CAMK1D: variants seen among roughly 807,000 people sequenced by gnomAD.
CAMK1D encodes calcium/calmodulin dependent protein kinase ID, also known as calcium/calmodulin-dependent protein kinase type 1D.
Under a neutral mutation model 47.7 loss-of-function variants are expected in CAMK1D, and 9 were observed. The observed-to-expected ratio is 0.19, with a 90% CI of 0.11 to 0.33. The LOEUF (loss-of-function observed/expected upper bound fraction) is 0.33, where lower values mean the gene tolerates loss of function less well. CAMK1D is among the 10% of genes least tolerant of loss of function. The pLI is 1.00. For synonymous variants in CAMK1D, 184 were observed against 184.9 expected, an observed-to-expected ratio of 0.99 and a Z score of 0.04; for missense variants, 291 against 488.7, an observed-to-expected ratio of 0.60 and a Z score of 3.81.
At chr10:12,801,475 T>TATCCATTCATCCATCC (rs1182945435) in intron 6 of CAMK1D, among the ~76,000 whole-genome samples, 1 of 150,996 alleles carries the variant, frequency 6.6e-6, no homozygotes, top group Non-Finnish European at 1.5e-5. Flanking sequence ...GTCATCTATC[T>TATCCATTCATCCATCC]ATCCATTCAT....
chr10:12,461,350 G>A (rs1376570036), intron 1 of CAMK1D, among the ~76,000 whole-genome samples: 4 of 152,154 alleles, frequency 2.6e-5, no homozygotes, highest in Non-Finnish European at 4.4e-5. Flanking sequence ...GGTAGGAGTC[G>A]TCTGATTCTT....
intron 2 of CAMK1D, among the ~76,000 whole-genome samples, chr10:12,581,306 G>C (rs1361044432): frequency 1.3e-5 from 2 of 152,256 alleles, no homozygotes; most frequent in East Asian, 3.9e-4. Flanking sequence ...CATTTGAGCT[G>C]GTTCCATATT....
chr10:12,656,852 AT>A lies in CAMK1D; in HGVS notation c.225-9876del, dbSNP rs760499550. On this transcript the variant is annotated intron_variant, in intron 2 of 10. Coordinates refer to ENST00000619168, the MANE Select transcript of CAMK1D (RefSeq NM_153498.4). ...ATGTTACATGTGTGTGTGTATATAC[AT>A]TTTTTTTACATAAACACATATATAT... 5.3e-4 allele frequency among the ~76,000 whole-genome samples: 80 copies of A among 151,774 alleles called. 1 individual carries two copies. In the East Asian group the frequency reaches 0.013, roughly 24 times the overall value.
chr10:12,524,057 A>G (rs1835535494), intron 1 of CAMK1D, among the ~76,000 whole-genome samples: 1 of 151,930 alleles, frequency 6.6e-6, no homozygotes, highest in South Asian at 2.1e-4. Flanking sequence ...ACGCCTGGCT[A>G]ATTTTTTGTA....
At position 12,602,514 on chromosome 10, in the gene CAMK1D, G is replaced by A. The variant is rs75085396; in HGVS notation, c.224+49158G>A. ...ACAGGAGCTATATTTGTAGGAGCAG[G>A]TGCCATTTGGGACAGAGCACAGGGT... is the stretch of plus-strand genomic sequence containing the variant. On this transcript the variant is annotated intron_variant, in intron 2 of 10. Coordinates refer to ENST00000619168, the MANE Select transcript of CAMK1D (RefSeq NM_153498.4). 9.5e-3 allele frequency among the ~76,000 whole-genome samples: 1,447 copies of A among 152,308 alleles called. 7 individuals are homozygous for A. The highest frequency in any genetic ancestry group is 0.027 in the Middle Eastern group (8 of 294).
intron 2 of CAMK1D, among the ~76,000 whole-genome samples, chr10:12,617,482 T>G (rs2132429445): frequency 6.6e-6 from 1 of 152,258 alleles, no homozygotes; most frequent in Admixed American, 6.5e-5. Context: ...GCCACTTGTG[T>G]GGTAGGCAGA....
intron 1 of CAMK1D, among the ~76,000 whole-genome samples, chr10:12,484,313 C>T (rs1311810158): frequency 6.6e-6 from 1 of 152,200 alleles, no homozygotes; most frequent in African/African-American, 2.4e-5. Flanking sequence ...CGTGTTTCAC[C>T]TCCAGATACA....
chr10:12,422,656 T>C (rs1260131852), intron 1 of CAMK1D, among the ~76,000 whole-genome samples: 2 of 151,934 alleles, frequency 1.3e-5, no homozygotes, highest in African/African-American at 2.4e-5. Flanking sequence ...TTGGGAAATA[T>C]GTGGGTTAAT....
At chr10:12,412,604 C>T (rs1839698311) in intron 1 of CAMK1D, among the ~76,000 whole-genome samples, 1 of 116,692 alleles carries the variant, frequency 8.6e-6, no homozygotes, top group Non-Finnish European at 1.6e-5. Flanking sequence ...GCCTGGGCAA[C>T]AAGAGTGAGA....
chr10:12,442,883 A>G (rs1451060035), intron 1 of CAMK1D, among the ~76,000 whole-genome samples: 1 of 152,228 alleles, frequency 6.6e-6, no homozygotes, highest in African/African-American at 2.4e-5. Context: ...AAATTTAACC[A>G]TGACAAGAGA....
chr10:12,480,288 A>G (rs1043661651), intron 1 of CAMK1D, among the ~76,000 whole-genome samples: 7 of 152,126 alleles, frequency 4.6e-5, no homozygotes, highest in African/African-American at 1.4e-4. Flanking sequence ...TACAAAAATT[A>G]GCTGGACGTG....
At chr10:12,772,213 CA>C (rs1218111364) in intron 5 of CAMK1D, among the ~76,000 whole-genome samples, 2 of 152,074 alleles carry the variant, frequency 1.3e-5, no homozygotes, top group African/African-American at 4.8e-5. Flanking sequence ...GGAATTTCTC[CA>C]GCTCGATCTG....
chr10:12,650,588 T>C (rs987319710), intron 2 of CAMK1D, among the ~76,000 whole-genome samples: 3 of 152,092 alleles, frequency 2.0e-5, no homozygotes, highest in African/African-American at 7.2e-5. Context: ...GCAATGCCGT[T>C]CCAGGGTCCC....
intron 1 of CAMK1D, among the ~76,000 whole-genome samples, chr10:12,541,388 G>T (rs1338870711): frequency 6.6e-6 from 1 of 152,098 alleles, no homozygotes; most frequent in Non-Finnish European, 1.5e-5. Flanking sequence ...GTTTAAGATG[G>T]AGTCTTGCTC....
chr10:12,549,884 A>G (rs573294025), intron 1 of CAMK1D, among the ~76,000 whole-genome samples: 23 of 152,026 alleles, frequency 1.5e-4, no homozygotes, highest in East Asian at 1.4e-3. Context: ...TCCCCAGTCT[A>G]TTGTCTCTCG....
chr10:12,397,824 G>A (rs2801490), intron 1 of CAMK1D, among the ~76,000 whole-genome samples: 5 of 151,956 alleles, frequency 3.3e-5, no homozygotes, highest in African/African-American at 9.7e-5. Flanking sequence ...AGAAAAAATC[G>A]CAGGTAAACT....
intron 1 of CAMK1D, among the ~76,000 whole-genome samples, chr10:12,471,117 C>T (rs984756937): frequency 2.0e-5 from 3 of 152,108 alleles, no homozygotes; most frequent in Admixed American, 6.6e-5. Flanking sequence ...GTGCCTGTAT[C>T]TGTATCGATC....
rs1000185228 is a variant in CAMK1D, at chr10:12,830,362, C to G, written c.*1475C>G. ...CTGGTGGTAAGGAGAGGGGGCCCTG[C>G]CAGGCTAATGGGACTTCAGCCACCA... On this transcript the variant is annotated 3_prime_UTR_variant, in exon 11 of 11. Coordinates refer to ENST00000619168, the MANE Select transcript of CAMK1D (RefSeq NM_153498.4). 2.0e-5 allele frequency: 3 copies of G among 152,226 alleles called. No homozygotes were observed. Among genetic ancestry groups the G allele is most frequent in the African/African-American group, 7.2e-5 (3 of 41,426 alleles). The allele number at this position is 152,226 out of a possible 1,614,324, so 9.4% of individuals were successfully genotyped here.
intron 5 of CAMK1D, among the ~76,000 whole-genome samples, chr10:12,772,286 A>G (rs1373857475): frequency 2.0e-5 from 3 of 152,154 alleles, no homozygotes; most frequent in Non-Finnish European, 4.4e-5. Context: ...AGCCTGTTCC[A>G]ACTATCGGGA....
Sources: gnomAD v4.1 joint callset for allele counts (sites outside exome capture counted in the v4.1 genomes callset) on GRCh38, gnomAD v4.1.1 for gene constraint, MANE v1.5 for transcripts, NCBI Gene and HGNC (gene_info 2026-07-23, HGNC 2026-07-21) for gene names.